MARCHF3: variants seen among roughly 807,000 people sequenced by gnomAD.
MARCHF3 encodes membrane associated ring-CH-type finger 3.
MARCHF3 carries 13 observed loss-of-function variants against 24.2 expected under a neutral mutation model. That is an observed-to-expected ratio of 0.54 (90% confidence interval 0.35 to 0.85). The LOEUF (loss-of-function observed/expected upper bound fraction) is 0.85, where lower values mean the gene tolerates loss of function less well. Ranked by LOEUF, MARCHF3 falls within the 40% of genes least tolerant of loss-of-function variation. The pLI, the probability that MARCHF3 is intolerant of heterozygous loss-of-function variation, is 0.01. For missense variants in MARCHF3, 276 were observed against 325.0 expected (o/e 0.85, Z 1.16); for synonymous variants, 144 against 137.3 (o/e 1.05, Z -0.34).
intron 3 of MARCHF3, among the ~76,000 whole-genome samples, chr5:126,901,836 G>C (rs918324663): frequency 2.0e-5 from 3 of 152,028 alleles, no homozygotes; most frequent in Admixed American, 1.3e-4. Context: ...ATTTCAGCAG[G>C]ACTTAGGATG....
chr5:126,918,108 G>A lies in MARCHF3; in HGVS notation c.64C>T (p.Pro22Ser). 1.2e-6 allele frequency: 2 copies of A among 1,614,170 alleles called. No homozygotes were observed. Among genetic ancestry groups the A allele is most frequent in the Non-Finnish European group, 1.7e-6 (2 of 1,180,042 alleles). Residue 22 changes from proline to serine, a missense_variant, in exon 2 of 5, where the codon CCC (proline) becomes TCC (serine). Coordinates refer to ENST00000308660, the MANE Select transcript of MARCHF3 (RefSeq NM_178450.5). ...VLPDCTSSAA[P>S]VVKTVEDCGS... ...CAATCCTCCACCGTCTTCACCACGGGTGCAGCTGAGCTGGTGCAGTCTGGC... is the reference window on the plus strand; with the variant it reads ...CAATCCTCCACCGTCTTCACCACGGATGCAGCTGAGCTGGTGCAGTCTGGC...
intron 4 of MARCHF3, among the ~76,000 whole-genome samples, chr5:126,872,627 G>C (rs571703378): frequency 1.3e-5 from 2 of 152,230 alleles, no homozygotes; most frequent in South Asian, 4.2e-4. Context: ...ACTTGGTCTC[G>C]AGTTTCTGGA....
intron 1 of MARCHF3, among the ~76,000 whole-genome samples, chr5:127,001,193 G>T (rs997041587): frequency 6.6e-6 from 1 of 151,474 alleles, no homozygotes; most frequent in Non-Finnish European, 1.5e-5. Context: ...AGCTGAGATT[G>T]TGCCACTGCA....
chr5:126,919,604 T>G (rs185358612), intron 1 of MARCHF3, among the ~76,000 whole-genome samples: 189 of 152,352 alleles, frequency 1.2e-3, no homozygotes, highest in Admixed American at 5.0e-3. Context: ...TCTTCCCAAC[T>G]TCCAGAACAA....
chr5:126,895,572 T>G (rs1439866163), intron 3 of MARCHF3, among the ~76,000 whole-genome samples: 2 of 152,112 alleles, frequency 1.3e-5, no homozygotes, highest in Non-Finnish European at 2.9e-5. Flanking sequence ...TACCCTGCAG[T>G]GTGAGGTGTC....
intron 3 of MARCHF3, among the ~76,000 whole-genome samples, chr5:126,890,513 C>A (rs969185253): frequency 3.3e-4 from 50 of 149,444 alleles, no homozygotes; most frequent in African/African-American, 1.2e-3. Flanking sequence ...GTTCAATCCC[C>A]ACCTATGAGT....
intron 3 of MARCHF3, among the ~76,000 whole-genome samples, chr5:126,895,528 A>C (rs1330893412): frequency 6.6e-6 from 1 of 151,964 alleles, no homozygotes; most frequent in Non-Finnish European, 1.5e-5. Context: ...TTTCCTTCTG[A>C]CAGACAGGAC....
At chr5:126,920,620 A>G (rs1387923163) in intron 1 of MARCHF3, among the ~76,000 whole-genome samples, 1 of 152,112 alleles carries the variant, frequency 6.6e-6, no homozygotes, top group African/African-American at 2.4e-5. Context: ...GGAAGACGGT[A>G]AGGAGGGGGT....
Position 126,892,967 on chromosome 5 carries a change from T to G in MARCHF3, c.394-14573A>C, listed in dbSNP as rs1355974577. Reference sequence around the variant, plus strand: ...TATTGATTATTGCCACAATTTCAGATCCTGTTATTGGTCTATTCAGAGATT... The same window carrying G: ...TATTGATTATTGCCACAATTTCAGAGCCTGTTATTGGTCTATTCAGAGATT... On this transcript the variant is annotated intron_variant, in intron 3 of 4. Coordinates refer to ENST00000308660, the MANE Select transcript of MARCHF3 (RefSeq NM_178450.5). Among the ~76,000 whole-genome samples, 17 of 151,866 alleles carry G rather than the reference T, an allele frequency of 1.1e-4. No individual in the cohort carries two copies. In the South Asian group the frequency reaches 3.4e-3, roughly 30 times the overall value.
At chr5:126,998,348 C>G (rs967808289) in intron 1 of MARCHF3, among the ~76,000 whole-genome samples, 1 of 152,190 alleles carries the variant, frequency 6.6e-6, no homozygotes, top group Non-Finnish European at 1.5e-5. Context: ...AATAAAACAC[C>G]AAGTTCCTGG....
chr5:126,998,729 T>C (rs1344812305), intron 1 of MARCHF3, among the ~76,000 whole-genome samples: 1 of 152,068 alleles, frequency 6.6e-6, no homozygotes, highest in Admixed American at 6.5e-5. Context: ...AGAAAAGCCA[T>C]CTTTTAAACA....
Position 126,870,437 on chromosome 5 carries a change from T to C in MARCHF3, c.*196A>G. ...TAGCAAATATCATATGATTGCAGCATCCATCATTTGAAGTAAAACAGCATT... is the reference window on the plus strand; with the variant it reads ...TAGCAAATATCATATGATTGCAGCACCCATCATTTGAAGTAAAACAGCATT... On this transcript the variant is annotated 3_prime_UTR_variant, in exon 5 of 5. Transcript: ENST00000308660. The C allele has an allele frequency of 2.0e-6, 1 of 510,394 alleles. No individual in the cohort carries two copies. The highest frequency in any genetic ancestry group is 3.5e-5 in the South Asian group (1 of 28,514). The allele number at this position is 510,394 out of a possible 1,614,324, so 31.6% of individuals were successfully genotyped here. A position where few individuals can be genotyped will look rare whatever the true frequency, so the allele number is the denominator to read the frequency against.
chr5:126,945,968 G>GC (rs960310552), intron 1 of MARCHF3, among the ~76,000 whole-genome samples: 1 of 152,184 alleles, frequency 6.6e-6, no homozygotes, highest in African/African-American at 2.4e-5. Flanking sequence ...GGTGTTTGCA[G>GC]CCCTTTCCTG....
At chr5:126,957,055 C>A (rs549912568) in intron 1 of MARCHF3, among the ~76,000 whole-genome samples, 1 of 151,614 alleles carries the variant, frequency 6.6e-6, no homozygotes, top group South Asian at 2.1e-4. Context: ...CCACTGTGCC[C>A]GGCTAAGAAT....
At chr5:126,885,078 A>G (rs1753465267) in intron 3 of MARCHF3, among the ~76,000 whole-genome samples, 1 of 152,172 alleles carries the variant, frequency 6.6e-6, no homozygotes. Context: ...CTTCTCATGG[A>G]AAACACTCCC....
At chr5:126,965,104 T>A (rs1750762843) in intron 1 of MARCHF3, among the ~76,000 whole-genome samples, 1 of 151,998 alleles carries the variant, frequency 6.6e-6, no homozygotes, top group South Asian at 2.1e-4. Flanking sequence ...ACTCCTCTCT[T>A]AAGGCTTCCA....
At chr5:126,935,002 T>C (rs1048931638) in intron 1 of MARCHF3, among the ~76,000 whole-genome samples, 1 of 152,196 alleles carries the variant, frequency 6.6e-6, no homozygotes, top group African/African-American at 2.4e-5. Flanking sequence ...GTATCATTAC[T>C]TCCATATTCA....
chr5:126,910,152 A>G (rs57985342), intron 3 of MARCHF3, among the ~76,000 whole-genome samples: 4,903 of 152,328 alleles, frequency 0.032, 234 homozygotes, highest in African/African-American at 0.11. Flanking sequence ...CCTTTCCTCC[A>G]GATTCCCACT....
intron 1 of MARCHF3, among the ~76,000 whole-genome samples, chr5:126,996,798 G>A (rs892782581): frequency 6.6e-6 from 1 of 151,634 alleles, no homozygotes. Context: ...GTACAACAAC[G>A]CAAGTAAGAA....
Sources: allele counts gnomAD v4.1 joint callset (sites outside exome capture counted in the v4.1 genomes callset), GRCh38; gene constraint gnomAD v4.1.1; transcripts MANE v1.5; gene names NCBI Gene and HGNC (gene_info 2026-07-23, HGNC 2026-07-21).